Variants in CTSO observed in about 807,000 individuals in gnomAD.
CTSO encodes cathepsin O.
A neutral mutation model predicts 42.4 loss-of-function variants in CTSO; 40 were observed. The observed-to-expected ratio is 0.94, with a 90% CI of 0.73 to 1.23. The LOEUF (loss-of-function observed/expected upper bound fraction) is 1.23, where lower values mean the gene tolerates loss of function less well. CTSO is among the 50% of genes most tolerant of loss of function. CTSO has a pLI of 0.00. For missense variants in CTSO, 441 were observed against 396.0 expected (o/e 1.11, Z -0.96); for synonymous variants, 156 against 146.2 (o/e 1.07, Z -0.48).
In CTSO at chr4:155,939,315, A is replaced by T; in HGVS notation, c.552+56T>A. The T allele has an allele frequency of 2.1e-6, 3 of 1,453,856 alleles. No individual in the cohort carries two copies. The South Asian group carries it at 4.2e-5, about 21-fold the overall frequency. The allele number at this position is 1,453,856 out of a possible 1,614,324, so 90.1% of individuals were successfully genotyped here. ...AACAAACTGTTTGAATTTTGAACACACAGTAAACAAGCAAAAAAGGAAATA... is the reference window on the plus strand; with the variant it reads ...AACAAACTGTTTGAATTTTGAACACTCAGTAAACAAGCAAAAAAGGAAATA... On this transcript the variant is annotated intron_variant, in intron 4 of 7. Coordinates refer to ENST00000433477, the MANE Select transcript of CTSO (RefSeq NM_001334.3).
chr4:155,934,981 T>C (rs975508369), intron 5 of CTSO, among the ~76,000 whole-genome samples: 14 of 152,244 alleles, frequency 9.2e-5, no homozygotes, highest in African/African-American at 3.4e-4. Context: ...AGGGATGGAA[T>C]GATATGGTTT....
chr4:155,942,331 T>C lies in CTSO; in HGVS notation c.370A>G (p.Arg124Gly), dbSNP rs755533001. 3 of 1,573,894 alleles carry C rather than the reference T, an allele frequency of 1.9e-6. No homozygotes were observed. Among genetic ancestry groups the C allele is most frequent in the Non-Finnish European group, 2.6e-6 (3 of 1,162,160 alleles). The change falls in exon 3 of 8, where the codon AGA becomes GGA. Residue 124 changes from arginine (R) to glycine (G), a missense_variant. Transcript: ENST00000433477. ...TTTCAACGTACCATCTGCTGGTTTC[T>C]CACTTGTGTCACAACCTGCTTGTCC... ...WRDKQVVTQV[R>G]NQQMCGGCWA...
At chr4:155,951,172 TTA>T (rs752951269) in intron 1 of CTSO, among the ~76,000 whole-genome samples, 1 of 152,286 alleles carries the variant, frequency 6.6e-6, no homozygotes, top group Non-Finnish European at 1.5e-5. Context: ...TTTGGAAATT[TTA>T]TGTAAAATCA....
In CTSO at chr4:155,937,345, T is replaced by C. The variant is rs373042303; in HGVS notation, c.674+17A>G. The C allele has an allele frequency of 7.6e-6, 12 of 1,581,536 alleles. No homozygotes were observed. Among genetic ancestry groups the C allele is most frequent in the Non-Finnish European group, 1.0e-5 (12 of 1,156,610 alleles). On this transcript the variant is annotated intron_variant, in intron 5 of 7. Coordinates refer to ENST00000433477, the MANE Select transcript of CTSO (RefSeq NM_001334.3). ...TAAAAATGTATAAAGAAAAACATAA[T>C]ACAATAAGATCTTTACCTGAAGTCA... is the stretch of plus-strand genomic sequence containing the variant.
At chr4:155,944,716 T>A (rs1253062421) in intron 1 of CTSO, among the ~76,000 whole-genome samples, 1 of 152,156 alleles carries the variant, frequency 6.6e-6, no homozygotes, top group Non-Finnish European at 1.5e-5. Flanking sequence ...AGCTCATGAC[T>A]TAGTGCTAAG....
chr4:155,937,627 T>A, intron 4 of CTSO, 144 bp from the exon 5 acceptor site: 1 of 814,202 alleles, frequency 1.2e-6, no homozygotes. Flanking sequence ...TTTCTTTTTC[T>A]TTTTTGAGAC....
At chr4:155,926,620 C>T (rs1421278662) in intron 7 of CTSO, among the ~76,000 whole-genome samples, 1 of 152,174 alleles carries the variant, frequency 6.6e-6, no homozygotes, top group Non-Finnish European at 1.5e-5. Flanking sequence ...GAAATACTAT[C>T]TGCCTTATGC....
rs1743202244 is a variant in CTSO at position 155,929,776 on chromosome 4, C to T, written c.675-71G>A. ...TAAAAATAACAATGATCTATATAATCTGTGTATGATTCTGAGTAGGTTTGG... is the reference window on the plus strand; with the variant it reads ...TAAAAATAACAATGATCTATATAATTTGTGTATGATTCTGAGTAGGTTTGG... On this transcript the variant is annotated intron_variant, in intron 5 of 7. Transcript: ENST00000433477. 3 of 1,430,144 alleles carry T rather than the reference C, an allele frequency of 2.1e-6. No homozygotes were observed. The Admixed American group carries it at 6.0e-5, about 28-fold the overall frequency. 88.6% of individuals were successfully genotyped at this position (1,430,144 alleles called of 1,614,324 possible). A position where few individuals can be genotyped will look rare whatever the true frequency, so the allele number is the denominator to read the frequency against.
chr4:155,930,585 G>A (rs1743217698), intron 5 of CTSO, among the ~76,000 whole-genome samples: 2 of 152,080 alleles, frequency 1.3e-5, no homozygotes, highest in Non-Finnish European at 2.9e-5. Context: ...GTTCCTAATA[G>A]TTCAAACTAT....
intron 5 of CTSO, among the ~76,000 whole-genome samples, chr4:155,933,421 C>G (rs1404663367): frequency 1.3e-5 from 2 of 152,046 alleles, no homozygotes; most frequent in Non-Finnish European, 2.9e-5. Flanking sequence ...TTATCAGCAG[C>G]ATGAAAATGG....
chr4:155,931,445 T>G (rs1743232017), intron 5 of CTSO, among the ~76,000 whole-genome samples: 1 of 152,086 alleles, frequency 6.6e-6, no homozygotes, highest in African/African-American at 2.4e-5. Context: ...AATTTAGTAA[T>G]AATCCCTGAT....
intron 5 of CTSO, among the ~76,000 whole-genome samples, chr4:155,936,272 G>C (rs1208567742): frequency 6.6e-6 from 1 of 150,690 alleles, no homozygotes; most frequent in East Asian, 2.0e-4. Flanking sequence ...GTCACCCTGA[G>C]GACCCTTGTT....
intron 5 of CTSO, among the ~76,000 whole-genome samples, chr4:155,931,716 A>G (rs1358319905): frequency 6.6e-6 from 1 of 151,928 alleles, no homozygotes; most frequent in African/African-American, 2.4e-5. Flanking sequence ...CATTGATTCC[A>G]TGAGCTTACT....
Position 155,924,959 on chromosome 4 carries a change from G to A in CTSO, c.*1077C>T, listed in dbSNP as rs1743104241. 1 of 152,218 alleles carries A rather than the reference G, an allele frequency of 6.6e-6. No individual in the cohort carries two copies. Among genetic ancestry groups the A allele is most frequent in the Non-Finnish European group, 1.5e-5 (1 of 68,118 alleles). 9.4% of individuals were successfully genotyped at this position (152,218 alleles called of 1,614,324 possible). Reference sequence around the variant, plus strand: ...CGGATGGGAGACCAGGAAAGCTGAGGGGAAAACTGGGAAACAGATTCTGGA... The same window carrying A: ...CGGATGGGAGACCAGGAAAGCTGAGAGGAAAACTGGGAAACAGATTCTGGA... On this transcript the variant is annotated 3_prime_UTR_variant, in exon 8 of 8. Transcript: ENST00000433477.
intron 1 of CTSO, among the ~76,000 whole-genome samples, chr4:155,952,391 C>A (rs1743690838): frequency 1.3e-5 from 2 of 151,914 alleles, no homozygotes; most frequent in Admixed American, 1.3e-4. Context: ...TAAGTCTAGC[C>A]CTTTGAGCTT....
At chr4:155,953,482 T>C (rs1378804683) in intron 1 of CTSO, among the ~76,000 whole-genome samples, 1 of 152,200 alleles carries the variant, frequency 6.6e-6, no homozygotes, top group East Asian at 1.9e-4. Context: ...AAATCTCTTC[T>C]GGAAAATCAA....
At chr4:155,932,531 A>T (rs1326121222) in intron 5 of CTSO, among the ~76,000 whole-genome samples, 1 of 152,144 alleles carries the variant, frequency 6.6e-6, no homozygotes, top group Non-Finnish European at 1.5e-5. Flanking sequence ...TGCAACAATG[A>T]GATCCTGCAG....
intron 1 of CTSO, among the ~76,000 whole-genome samples, chr4:155,944,174 T>C (rs1183177707): frequency 6.6e-6 from 1 of 152,168 alleles, no homozygotes; most frequent in Non-Finnish European, 1.5e-5. Context: ...CCTTGATAAG[T>C]GTTTGTTGTT....
At chr4:155,951,751 C>T (rs914185512) in intron 1 of CTSO, among the ~76,000 whole-genome samples, 3 of 152,170 alleles carry the variant, frequency 2.0e-5, no homozygotes, top group African/African-American at 4.8e-5. Context: ...AGAAGTTTCA[C>T]GGTTACCAAG....
Sources: gnomAD v4.1 joint callset for allele counts (sites outside exome capture counted in the v4.1 genomes callset) on GRCh38, gnomAD v4.1.1 for gene constraint, MANE v1.5 for transcripts, NCBI Gene and HGNC (gene_info 2026-07-23, HGNC 2026-07-21) for gene names.